Variants in SMG6 observed in about 807,000 individuals in gnomAD.
SMG6 encodes the protein SMG6 nonsense mediated mRNA decay factor.
In SMG6, 66 loss-of-function variants were observed where a neutral mutation model predicts 142.2. The ratio of observed to expected loss-of-function variants is 0.46; its 90% CI spans 0.38 to 0.57. The LOEUF (loss-of-function observed/expected upper bound fraction) is 0.57. Among genes scored for constraint, SMG6 ranks in the 20% least tolerant of loss-of-function variants. The probability of loss-of-function intolerance (pLI) is 0.00; values close to 1 mark genes in which losing one functional copy is unlikely to be tolerated. For synonymous variants in SMG6, 779 were observed against 702.4 expected (o/e 1.11, Z -1.72); for missense variants, 1,793 against 1,832.0 (o/e 0.98, Z 0.39).
intron 8 of SMG6, among the ~76,000 whole-genome samples, chr17:2,246,756 G>C (rs994242056): frequency 5.3e-5 from 8 of 152,088 alleles, no homozygotes; most frequent in African/African-American, 1.7e-4. Flanking sequence ...GACCAGCCTG[G>C]CCAACACGGT....
chr17:2,118,744 G>C (rs1228850068), intron 13 of SMG6, among the ~76,000 whole-genome samples: 1 of 151,826 alleles, frequency 6.6e-6, no homozygotes, highest in African/African-American at 2.4e-5. Context: ...AGGCCACCAT[G>C]TCTGGCTGAT....
At chr17:2,292,836 AG>A (rs1232295183) in intron 5 of SMG6, 34 bp downstream of exon 5, 2 of 1,573,446 alleles carry the variant, frequency 1.3e-6, no homozygotes, top group Admixed American at 3.3e-5. Context: ...AGAGCCACAT[AG>A]GGAAGAGAAA....
At chr17:2,192,306 A>G (rs1016015145) in intron 10 of SMG6, among the ~76,000 whole-genome samples, 1 of 152,270 alleles carries the variant, frequency 6.6e-6, no homozygotes, top group South Asian at 2.1e-4. Context: ...TTGGTTGGTC[A>G]CAGAAAAATC....
Position 2,303,413 on chromosome 17 carries a change from G to A in SMG6, c.88+220C>T, listed in dbSNP as rs536391595. On this transcript the variant is annotated intron_variant, in intron 1 of 18. Coordinates refer to ENST00000263073, the MANE Select transcript of SMG6 (RefSeq NM_017575.5). ...GAAAGAGGGTGGAGGCAGGAATTCG[G>A]GCCAGGCTCTCCCGGAGCTGGCCAG... The A allele has an allele frequency of 3.2e-6, 4 of 1,256,484 alleles. No homozygotes were observed. In the East Asian group the frequency reaches 9.5e-5, roughly 30 times the overall value. 77.8% of individuals were successfully genotyped at this position (1,256,484 alleles called of 1,614,324 possible).
At chr17:2,281,030 A>G (rs1363002311) in intron 8 of SMG6, among the ~76,000 whole-genome samples, 1 of 152,212 alleles carries the variant, frequency 6.6e-6, no homozygotes, top group East Asian at 1.9e-4. Context: ...CTCTGGCCTG[A>G]GCAACAGAGA....
intron 10 of SMG6, among the ~76,000 whole-genome samples, chr17:2,197,269 ACT>A (rs910320446): frequency 9.9e-5 from 15 of 152,006 alleles, no homozygotes; most frequent in Admixed American, 3.3e-4. Context: ...TACATATAAA[ACT>A]CTTAAAACCT....
chr17:2,075,354 C>A (rs1425899215), intron 15 of SMG6, among the ~76,000 whole-genome samples: 1 of 152,164 alleles, frequency 6.6e-6, no homozygotes, highest in Non-Finnish European at 1.5e-5. Flanking sequence ...ATTTTGAGAA[C>A]ACATGTCATT....
chr17:2,232,225 T>G (rs1196769668), intron 10 of SMG6, among the ~76,000 whole-genome samples: 6 of 152,156 alleles, frequency 3.9e-5, no homozygotes, highest in Non-Finnish European at 1.5e-5. Context: ...TTTATTTCCT[T>G]AAATTACAAA....
At chr17:2,146,062 A>C (rs2070659168) in intron 13 of SMG6, among the ~76,000 whole-genome samples, 1 of 152,216 alleles carries the variant, frequency 6.6e-6, no homozygotes, top group South Asian at 2.1e-4. Context: ...CAACAGGAGA[A>C]AAAGGGCCTA....
At chr17:2,294,802 C>T (rs2075110589) in intron 4 of SMG6, among the ~76,000 whole-genome samples, 2 of 152,100 alleles carry the variant, frequency 1.3e-5, no homozygotes, top group African/African-American at 4.8e-5. Flanking sequence ...GAAACAGGAG[C>T]ACGGTTTTTT....
At chr17:2,104,906 G>C (rs1023620431) in intron 13 of SMG6, among the ~76,000 whole-genome samples, 4 of 151,766 alleles carry the variant, frequency 2.6e-5, no homozygotes, top group Non-Finnish European at 4.4e-5. Flanking sequence ...ATAGGGAAAG[G>C]TCTCTACTTC....
chr17:2,135,996 ATGTG>A (rs545225787), intron 13 of SMG6, among the ~76,000 whole-genome samples: 45,014 of 140,958 alleles, frequency 0.32, 7,250 homozygotes, highest in Non-Finnish European at 0.36. Context: ...ATATATATTT[ATGTG>A]TGTGTGTGTG....
intron 13 of SMG6, chr17:2,088,200 T>A: frequency 1.0e-6 from 1 of 985,410 alleles, no homozygotes; most frequent in Non-Finnish European, 1.2e-6. Flanking sequence ...GTGTTGCTGC[T>A]GCTAGAGCAC....
At chr17:2,123,122 G>A (rs1005573812) in intron 13 of SMG6, among the ~76,000 whole-genome samples, 5 of 73,386 alleles carry the variant, frequency 6.8e-5, no homozygotes, top group Non-Finnish European at 1.4e-4. Context: ...GAAGGTATGA[G>A]GAAACCCTGG....
At chr17:2,303,488 G>T in intron 1 of SMG6, 145 bp downstream of exon 1, 1 of 1,329,134 alleles carries the variant, frequency 7.5e-7, no homozygotes, top group Non-Finnish European at 9.6e-7. Flanking sequence ...GTAGGGCAGC[G>T]AGGGTCCGCC....
chr17:2,261,058 G>C (rs376133275), intron 8 of SMG6, among the ~76,000 whole-genome samples: 1 of 151,658 alleles, frequency 6.6e-6, no homozygotes, highest in Admixed American at 6.6e-5. Context: ...TGTAATCCCA[G>C]CACTTTGGGA....
intron 13 of SMG6, among the ~76,000 whole-genome samples, chr17:2,105,530 CA>C (rs1176374660): frequency 6.6e-6 from 1 of 151,844 alleles, no homozygotes; most frequent in East Asian, 1.9e-4. Context: ...GCAACAAGAG[CA>C]AAACTCTGTC....
chr17:2,114,946 T>TAAAAC (rs1370217783), intron 13 of SMG6, among the ~76,000 whole-genome samples: 4 of 113,882 alleles, frequency 3.5e-5, no homozygotes, highest in African/African-American at 1.5e-4. Context: ...TAAAATAAAA[T>TAAAAC]AAAATAAAAA....
intron 13 of SMG6, among the ~76,000 whole-genome samples, chr17:2,154,424 A>G (rs149190872): frequency 3.3e-5 from 5 of 152,332 alleles, no homozygotes; most frequent in African/African-American, 1.2e-4. Flanking sequence ...ACAACACTAT[A>G]AAACAGACAA....
Sources: gnomAD v4.1 joint callset for allele counts (sites outside exome capture counted in the v4.1 genomes callset) on GRCh38, gnomAD v4.1.1 for gene constraint, MANE v1.5 for transcripts, NCBI Gene and HGNC (gene_info 2026-07-23, HGNC 2026-07-21) for gene names.